Variants in TENM1 observed in about 807,000 individuals in gnomAD.
TENM1 encodes the protein teneurin-1.
Under a neutral mutation model 174.8 loss-of-function variants are expected in TENM1, and 35 were observed. The ratio of observed to expected loss-of-function variants is 0.20; its 90% confidence interval spans 0.15 to 0.27. TENM1 has a LOEUF of 0.27. TENM1 is among the 10% of genes least tolerant of loss of function. TENM1 has a pLI of 1.00. For missense variants in TENM1, 1,633 were observed against 2,130.1 expected, an observed-to-expected ratio of 0.77 and a Z score of 4.59; for synonymous variants, 781 against 798.7, an observed-to-expected ratio of 0.98 and a Z score of 0.37.
chrX:125,039,157 T>C, the TENM1 span, among the ~76,000 whole-genome samples: 6 of 111,936 alleles, frequency 5.4e-5, no homozygotes, highest in Non-Finnish European at 1.1e-4. Flanking sequence ...ATAGCACCCA[T>C]TATCTTGCTC....
chrX:124,387,575 G>A, intron 28 of TENM1, among the ~76,000 whole-genome samples: 1 of 111,885 alleles, frequency 8.9e-6, no homozygotes, highest in East Asian at 2.8e-4. Context: ...AAATATTTAT[G>A]AATGTGAATT....
At chrX:124,758,339 ATTATC>A (rs1478046590) in intron 3 of TENM1, among the ~76,000 whole-genome samples, 2 of 111,733 alleles carry the variant, frequency 1.8e-5, no homozygotes, top group African/African-American at 6.5e-5. Flanking sequence ...ACCAGGAGAT[ATTATC>A]TTATACCCAT....
chrX:124,996,015 C>CT, the TENM1 span, among the ~76,000 whole-genome samples: 7 of 110,898 alleles, frequency 6.3e-5, no homozygotes, highest in African/African-American at 2.3e-4. Context: ...GCACTTTATA[C>CT]TTTTTAAGCT....
chrX:124,637,867 G>T (rs2050917655), intron 11 of TENM1, among the ~76,000 whole-genome samples: 1 of 112,064 alleles, frequency 8.9e-6, no homozygotes, highest in African/African-American at 3.2e-5. Flanking sequence ...AGGGGCTCAG[G>T]CTCAAGAAAT....
the TENM1 span, among the ~76,000 whole-genome samples, chrX:125,068,298 G>A: frequency 1.8e-5 from 2 of 111,591 alleles, no homozygotes; most frequent in South Asian, 3.7e-4. Context: ...CTTAATTAAC[G>A]GAATGGGGAA....
the TENM1 span, among the ~76,000 whole-genome samples, chrX:125,055,792 G>A: frequency 0.013 from 1,409 of 111,269 alleles, 26 homozygotes; most frequent in African/African-American, 0.044. Flanking sequence ...TAAGTGAATC[G>A]ACGTTGTGTT....
At chrX:124,577,802 A>G (rs1030101890) in intron 11 of TENM1, among the ~76,000 whole-genome samples, 3 of 112,086 alleles carry the variant, frequency 2.7e-5, no homozygotes, top group African/African-American at 9.7e-5. Flanking sequence ...CTCACTCTCA[A>G]TTTCACAAAT....
chrX:124,727,196 C>T (rs2053460212), intron 4 of TENM1, among the ~76,000 whole-genome samples: 1 of 112,429 alleles, frequency 8.9e-6, no homozygotes, highest in Non-Finnish European at 1.9e-5. Flanking sequence ...TCTGATTTGT[C>T]TTTGTGAACT....
At chrX:124,407,547 A>T (rs1044742499) in intron 25 of TENM1, among the ~76,000 whole-genome samples, 18 of 112,466 alleles carry the variant, frequency 1.6e-4, no homozygotes, top group African/African-American at 5.8e-4. Context: ...GATTACACAA[A>T]GTGGCATAGT....
the TENM1 span, among the ~76,000 whole-genome samples, chrX:124,985,994 G>C: frequency 9.0e-6 from 1 of 111,731 alleles, no homozygotes; most frequent in Non-Finnish European, 1.9e-5. Flanking sequence ...CTGATAAAAC[G>C]TAAGTTAGAA....
intron 4 of TENM1, among the ~76,000 whole-genome samples, chrX:124,709,823 A>C (rs1292745860): frequency 9.0e-6 from 1 of 110,948 alleles, no homozygotes; most frequent in Non-Finnish European, 1.9e-5. Context: ...TGTATGTCAA[A>C]TGTTCTTCTA....
At chrX:125,140,318 G>C in the TENM1 span, among the ~76,000 whole-genome samples, 4 of 111,998 alleles carry the variant, frequency 3.6e-5, no homozygotes, top group African/African-American at 1.3e-4. Flanking sequence ...ATTATGTTAA[G>C]TGAGATAAGC....
At chrX:125,057,213 C>A in the TENM1 span, among the ~76,000 whole-genome samples, 1 of 111,774 alleles carries the variant, frequency 8.9e-6, no homozygotes, top group Non-Finnish European at 1.9e-5. Flanking sequence ...TCCATTTGCA[C>A]TCACATAGAA....
intron 4 of TENM1, among the ~76,000 whole-genome samples, chrX:124,710,293 A>G (rs1343283704): frequency 9.0e-6 from 1 of 111,662 alleles, no homozygotes; most frequent in Non-Finnish European, 1.9e-5. Flanking sequence ...CGATGCAGCA[A>G]CACTCTGATA....
At chrX:124,669,135 T>C (rs1220275051) in intron 6 of TENM1, among the ~76,000 whole-genome samples, 1 of 112,176 alleles carries the variant, frequency 8.9e-6, no homozygotes, top group Non-Finnish European at 1.9e-5. Flanking sequence ...CTATATGCTT[T>C]ATATCAATTG....
chrX:124,885,720 CTATT>C (rs1227558739), intron 3 of TENM1, among the ~76,000 whole-genome samples: 1 of 110,647 alleles, frequency 9.0e-6, no homozygotes, highest in Non-Finnish European at 1.9e-5. Context: ...CTTTAATAAT[CTATT>C]TATTAAAAAA....
chrX:124,653,713 T>C, exon 7 of TENM1: 1 of 1,211,002 alleles, frequency 8.3e-7, no homozygotes, highest in Non-Finnish European at 1.1e-6. Flanking sequence ...ATAAACCAGG[T>C]GGAATGGTCT....
chrX:124,735,699 T>C (rs2053654795), intron 4 of TENM1, among the ~76,000 whole-genome samples: 1 of 111,712 alleles, frequency 9.0e-6, no homozygotes, highest in Non-Finnish European at 1.9e-5. Context: ...TGTCCATCAA[T>C]GAATAATTGG....
intron 1 of TENM1, among the ~76,000 whole-genome samples, chrX:124,938,481 C>T (rs1210157120): frequency 3.6e-5 from 4 of 111,774 alleles, no homozygotes; most frequent in Admixed American, 9.5e-5. Flanking sequence ...TATGTGGAGA[C>T]GACTACTGCA....
Sources: gnomAD v4.1 joint callset for allele counts (sites outside exome capture counted in the v4.1 genomes callset) on GRCh38, gnomAD v4.1.1 for gene constraint, MANE v1.5 for transcripts, NCBI Gene and HGNC (gene_info 2026-07-23, HGNC 2026-07-21) for gene names.